PRKAR1B: variants seen among roughly 807,000 people sequenced by gnomAD.
The protein encoded by PRKAR1B is protein kinase cAMP-dependent type I regulatory subunit beta, also known as cAMP-dependent protein kinase type I-beta regulatory subunit.
A neutral mutation model predicts 46.5 loss-of-function variants in PRKAR1B; 22 were observed. The observed-to-expected ratio is 0.47, with a 90% confidence interval of 0.34 to 0.68. The LOEUF is 0.68. Among genes scored for constraint, PRKAR1B ranks in the 30% least tolerant of loss-of-function variants. The pLI is 0.01. For missense variants in PRKAR1B, 445 were observed against 535.6 expected, an observed-to-expected ratio of 0.83 and a Z score of 1.67; for synonymous variants, 259 against 217.7, an observed-to-expected ratio of 1.19 and a Z score of -1.67.
At chr7:687,592 G>C (rs182818068) in intron 2 of PRKAR1B, among the ~76,000 whole-genome samples, 4 of 152,214 alleles carry the variant, frequency 2.6e-5, no homozygotes, top group African/African-American at 9.7e-5. Flanking sequence ...AAAAGCTCCA[G>C]TTTATGTGAA....
At chr7:630,220 G>GGGCCA (rs1192840914) in intron 4 of PRKAR1B, among the ~76,000 whole-genome samples, 1 of 152,232 alleles carries the variant, frequency 6.6e-6, no homozygotes, top group Admixed American at 6.5e-5. Context: ...GGAGGGGGCT[G>GGGCCA]GGCCAGGCCA....
At chr7:653,264 TG>T (rs1370986682) in intron 4 of PRKAR1B, among the ~76,000 whole-genome samples, 1 of 152,122 alleles carries the variant, frequency 6.6e-6, no homozygotes, top group East Asian at 1.9e-4. Flanking sequence ...TAGGGAACCT[TG>T]GGGTGGGTTG....
At chr7:558,474 G>A (rs1340956335) in intron 9 of PRKAR1B, among the ~76,000 whole-genome samples, 1 of 152,164 alleles carries the variant, frequency 6.6e-6, no homozygotes, top group Non-Finnish European at 1.5e-5. Flanking sequence ...AGGAAAACCA[G>A]GCCAGGCGTG....
Position 690,718 on chromosome 7 carries a change from C to T in PRKAR1B, c.178-9992G>A, listed in dbSNP as rs79693181. 8.5e-3 allele frequency among the ~76,000 whole-genome samples: 1,297 copies of T among 152,276 alleles called. 13 individuals carry two copies. Among genetic ancestry groups the T allele is most frequent in the Middle Eastern group, 0.031 (9 of 294 alleles). ...AGGAATGCCCCCACCAGCTGCACAC[C>T]CAGAAGACGGGGCTCCTCAGGAAGG... On this transcript the variant is annotated intron_variant, in intron 2 of 10. Coordinates refer to ENST00000537384, the MANE Select transcript of PRKAR1B (RefSeq NM_001164760.2).
At chr7:676,289 G>A (rs1038129992) in intron 4 of PRKAR1B, among the ~76,000 whole-genome samples, 5 of 152,028 alleles carry the variant, frequency 3.3e-5, no homozygotes, top group East Asian at 1.9e-4. Flanking sequence ...GCCCCTTCAC[G>A]CTCAGCCCTC....
chr7:685,035 C>A (rs1350069704), intron 2 of PRKAR1B, among the ~76,000 whole-genome samples: 1 of 151,652 alleles, frequency 6.6e-6, no homozygotes. Flanking sequence ...TTTGTCCCTC[C>A]TGAAATTTGA....
intron 9 of PRKAR1B, among the ~76,000 whole-genome samples, chr7:569,454 G>A (rs1327441887): frequency 6.6e-6 from 1 of 152,240 alleles, no homozygotes; most frequent in Non-Finnish European, 1.5e-5. Context: ...CTGCTGGGCC[G>A]AACGTCCAGC....
chr7:606,057 A>AT, intron 6 of PRKAR1B, 136 bp downstream of exon 6: 1 of 772,276 alleles, frequency 1.3e-6, no homozygotes, highest in Admixed American at 2.2e-5. Flanking sequence ...TAGCAGTTGC[A>AT]TTTCTGGATT....
In PRKAR1B at chr7:587,876, C is replaced by T. The variant is rs928157107; in HGVS notation, c.709-3308G>A. Among the ~76,000 whole-genome samples the T allele has an allele frequency of 4.6e-5, 7 of 152,212 alleles. No individual in the cohort carries two copies. In the East Asian group the frequency reaches 7.7e-4, roughly 17 times the overall value. On this transcript the variant is annotated intron_variant, in intron 7 of 10. Coordinates refer to ENST00000537384, the MANE Select transcript of PRKAR1B (RefSeq NM_001164760.2). ...TGGAGGAAAGGCACGTGATGTTAAA[C>T]GCCTGTCCCTGGAAAACTATGACAA... is the stretch of plus-strand genomic sequence containing the variant.
chr7:569,546 G>A (rs1253660670), intron 9 of PRKAR1B, among the ~76,000 whole-genome samples: 5 of 152,220 alleles, frequency 3.3e-5, no homozygotes. Context: ...CCTACAAAGG[G>A]GGGCCAGGGG....
intron 2 of PRKAR1B, among the ~76,000 whole-genome samples, chr7:701,314 A>T (rs1780057027): frequency 6.6e-6 from 1 of 151,382 alleles, no homozygotes. Flanking sequence ...GAAAGAAAGA[A>T]AGAAAAGAAA....
At chr7:638,199 G>A (rs538388593) in intron 4 of PRKAR1B, among the ~76,000 whole-genome samples, 142 of 152,334 alleles carry the variant, frequency 9.3e-4, no homozygotes, top group Admixed American at 1.4e-3. Flanking sequence ...ACCCCTGTGA[G>A]CTCCTCGACT....
At chr7:558,359 A>AAGGAGG (rs373918546) in intron 9 of PRKAR1B, among the ~76,000 whole-genome samples, 1 of 149,412 alleles carries the variant, frequency 6.7e-6, no homozygotes, top group Non-Finnish European at 1.5e-5. Flanking sequence ...GAAGGAGGAG[A>AAGGAGG]AGGAGGAGGA....
At chr7:655,012 C>T (rs1166185534) in intron 4 of PRKAR1B, among the ~76,000 whole-genome samples, 1 of 152,214 alleles carries the variant, frequency 6.6e-6, no homozygotes, top group Non-Finnish European at 1.5e-5. Context: ...CAACTAACCA[C>T]TTACCACTGC....
intron 2 of PRKAR1B, among the ~76,000 whole-genome samples, chr7:711,101 G>C (rs754825397): frequency 1.3e-5 from 2 of 152,162 alleles, no homozygotes; most frequent in Non-Finnish European, 2.9e-5. Flanking sequence ...GAATTCTGTG[G>C]CTCAGAGGAC....
chr7:605,112 G>C lies in PRKAR1B; in HGVS notation c.549+1081C>G, dbSNP rs1781936558. Among the ~76,000 whole-genome samples the C allele has an allele frequency of 3.9e-5, 6 of 152,242 alleles. 1 individual carries two copies. In the South Asian group the frequency reaches 1.2e-3, roughly 32 times the overall value. On this transcript the variant is annotated intron_variant, in intron 6 of 10. Coordinates refer to ENST00000537384, the MANE Select transcript of PRKAR1B (RefSeq NM_001164760.2). ...CCACTGGGAAGTGACATTTAGCAGA[G>C]AGCAGAAGGAGAAGCAGGAGCTAAC...
intron 9 of PRKAR1B, among the ~76,000 whole-genome samples, chr7:576,783 C>A (rs142574792): frequency 6.6e-6 from 1 of 151,918 alleles, no homozygotes; most frequent in Non-Finnish European, 1.5e-5. Context: ...TGGGAAGCAC[C>A]GGGAATGAGG....
chr7:657,521 T>A (rs1467552825), intron 4 of PRKAR1B, among the ~76,000 whole-genome samples: 1 of 152,182 alleles, frequency 6.6e-6, no homozygotes, highest in Non-Finnish European at 1.5e-5. Flanking sequence ...GGTCAAGAAG[T>A]AAGAAGGCAT....
intron 2 of PRKAR1B, among the ~76,000 whole-genome samples, chr7:692,844 A>G (rs562622788): frequency 6.6e-6 from 1 of 152,246 alleles, no homozygotes; most frequent in African/African-American, 2.4e-5. Context: ...GCAGGTTCTC[A>G]ACCCCATAGT....
Sources: gnomAD v4.1 joint callset for allele counts (sites outside exome capture counted in the v4.1 genomes callset) on GRCh38, gnomAD v4.1.1 for gene constraint, MANE v1.5 for transcripts, NCBI Gene and HGNC (gene_info 2026-07-23, HGNC 2026-07-21) for gene names.